Variants in CCDC102B observed in about 807,000 individuals in gnomAD.
CCDC102B encodes coiled-coil domain-containing protein 102B.
A neutral mutation model predicts 57.4 loss-of-function variants in CCDC102B; 75 were observed. That is an observed-to-expected ratio of 1.31 (90% CI 1.08 to 1.58). The LOEUF is 1.58. Ranked by LOEUF, CCDC102B falls within the 40% of genes most tolerant of loss-of-function variation. CCDC102B has a pLI of 0.00. For synonymous variants in CCDC102B, 206 were observed against 201.9 expected (o/e 1.02, Z -0.17); for missense variants, 636 against 582.6 (o/e 1.09, Z -0.94).
intron 2 of CCDC102B, among the ~76,000 whole-genome samples, chr18:68,790,307 G>T (rs539411279): frequency 7.2e-6 from 1 of 137,986 alleles, no homozygotes; most frequent in Non-Finnish European, 1.7e-5. Flanking sequence ...TGCCCCCAGA[G>T]GTGGAGCGTA....
At chr18:68,721,919 C>A (rs1413262932) in intron 2 of CCDC102B, among the ~76,000 whole-genome samples, 1 of 152,164 alleles carries the variant, frequency 6.6e-6, no homozygotes, top group Admixed American at 6.5e-5. Flanking sequence ...GGAACTTGGA[C>A]ACTATAACTT....
At chr18:68,827,261 C>G (rs1599525295) in intron 1 of CCDC102B, among the ~76,000 whole-genome samples, 1 of 151,944 alleles carries the variant, frequency 6.6e-6, no homozygotes, top group African/African-American at 2.4e-5. Context: ...AAATATGAAT[C>G]TATAAGATAG....
At chr18:69,052,753 A>T (rs765377206) in intron 7 of CCDC102B, among the ~76,000 whole-genome samples, 1 of 151,872 alleles carries the variant, frequency 6.6e-6, no homozygotes, top group Non-Finnish European at 1.5e-5. Flanking sequence ...CGGATTCCAC[A>T]TTATTGGAAT....
intron 7 of CCDC102B, 198 bp downstream of exon 7, chr18:69,011,302 T>G (rs1173438100): frequency 1.8e-6 from 1 of 564,440 alleles, no homozygotes; most frequent in Non-Finnish European, 3.0e-6. Context: ...GGTAATAGTA[T>G]ATGTTTTACG....
intron 7 of CCDC102B, among the ~76,000 whole-genome samples, chr18:69,036,789 G>A (rs73967774): frequency 0.021 from 3,229 of 152,062 alleles, 45 homozygotes; most frequent in Non-Finnish European, 0.029. Context: ...GGTACAAGTG[G>A]CAGTATTAAA....
intron 6 of CCDC102B, among the ~76,000 whole-genome samples, chr18:68,915,920 A>G (rs557484187): frequency 2.8e-4 from 42 of 152,302 alleles, no homozygotes; most frequent in African/African-American, 9.6e-4. Flanking sequence ...AAATGTTGCA[A>G]TCCCTCTCCT....
chr18:68,958,042 G>A (rs759886972), intron 6 of CCDC102B, among the ~76,000 whole-genome samples: 16 of 152,134 alleles, frequency 1.1e-4, no homozygotes, highest in African/African-American at 1.9e-4. Flanking sequence ...CATGGCAGAA[G>A]GTGAAAGGCA....
intron 6 of CCDC102B, among the ~76,000 whole-genome samples, chr18:68,993,908 A>G: frequency 6.6e-6 from 1 of 152,300 alleles, no homozygotes; most frequent in Non-Finnish European, 1.5e-5. Context: ...GTACGCCTAC[A>G]CTGTGGTTGG....
chr18:68,940,045 T>A (rs2049338299), intron 6 of CCDC102B, among the ~76,000 whole-genome samples: 1 of 151,782 alleles, frequency 6.6e-6, no homozygotes, highest in South Asian at 2.1e-4. Context: ...CAAATATCAT[T>A]TTTTCAGTAT....
rs768830661 is a variant in CCDC102B at position 68,837,095 on chromosome 18, C to T, written c.332C>T (p.Ala111Val). The T allele has an allele frequency of 2.5e-6, 4 of 1,613,936 alleles. No individual in the cohort carries two copies. Among genetic ancestry groups the T allele is most frequent in the Admixed American group, 1.7e-5 (1 of 59,984 alleles). ...AGAGAAAAATGGAGTAAAGTTCGAG[C>T]TGAAAGGAACAGTGCCAGGGAGGAA... is the stretch of plus-strand genomic sequence containing the variant. ...NWREKWSKVRAERNSAREEGR... is the reference protein window; with the variant it reads ...NWREKWSKVRVERNSAREEGR... The change falls in exon 2 of 8, where the codon GCT becomes GTT. Residue 111 changes from alanine (A) to valine (V), a missense_variant. Ala to Val is a moderately conservative substitution (Grantham distance 64, BLOSUM62 0). Transcript: ENST00000360242.
chr18:68,886,567 G>T (rs2144977422), intron 5 of CCDC102B, among the ~76,000 whole-genome samples: 1 of 151,916 alleles, frequency 6.6e-6, no homozygotes, highest in East Asian at 2.0e-4. Flanking sequence ...GATATATTGT[G>T]AAGATAATCA....
At chr18:69,043,268 G>C (rs1282810064) in intron 7 of CCDC102B, among the ~76,000 whole-genome samples, 1 of 152,112 alleles carries the variant, frequency 6.6e-6, no homozygotes, top group African/African-American at 2.4e-5. Context: ...TCAGTAGATG[G>C]AACGTACAAT....
At chr18:68,978,008 GTCCACTGCCAGAGCA>G (rs1187424594) in intron 6 of CCDC102B, among the ~76,000 whole-genome samples, 11 of 152,086 alleles carry the variant, frequency 7.2e-5, no homozygotes, top group African/African-American at 2.6e-4. Flanking sequence ...ATTTGAAGTA[GTCCACTGCCAGAGCA>G]TAATGTGAAG....
At chr18:69,055,762 C>T (rs72962035), downstream of CCDC102B, among the ~76,000 whole-genome samples, 5,050 of 152,144 alleles carry the variant, frequency 0.033, 139 homozygotes, top group East Asian at 0.15. Context: ...CAACATTAGA[C>T]TTCTATAGTT....
chr18:69,028,885 T>TAA (rs568080593), intron 7 of CCDC102B, among the ~76,000 whole-genome samples: 1 of 149,294 alleles, frequency 6.7e-6, no homozygotes, highest in African/African-American at 2.5e-5. Flanking sequence ...AGCTCTTTTT[T>TAA]AAAAAAAAAA....
At chr18:69,005,900 G>A (rs1231446811) in intron 6 of CCDC102B, among the ~76,000 whole-genome samples, 4 of 151,656 alleles carry the variant, frequency 2.6e-5, no homozygotes, top group Non-Finnish European at 5.9e-5. Context: ...ACTGTGAATT[G>A]TATGTACTGT....
chr18:68,897,378 C>G lies in CCDC102B; in HGVS notation c.1213C>G (p.Gln405Glu), dbSNP rs1048430000. The change falls in exon 6 of 8, where the codon CAA (glutamine) becomes GAA (glutamate). Residue 405 changes from glutamine (Q) to glutamate (E), a missense_variant. Gln to Glu is a conservative substitution (Grantham distance 29, BLOSUM62 2). Transcript: ENST00000360242. ...GAAAAATAGATTAAGTGCAAACTCT[C>G]AAAGTCCTGATTTCAAGATGTCACA... ...DKKNRLSANS[Q>E]SPDFKMSQID... 3 of 1,612,500 alleles carry G rather than the reference C, an allele frequency of 1.9e-6. No homozygotes were observed. The highest frequency in any genetic ancestry group is 1.3e-5 in the African/African-American group (1 of 74,758).
At chr18:68,717,291 T>A (rs183617312) in intron 2 of CCDC102B, among the ~76,000 whole-genome samples, 25 of 152,336 alleles carry the variant, frequency 1.6e-4, no homozygotes, top group Admixed American at 1.4e-3. Flanking sequence ...AGAGACGTTG[T>A]AATGAGATGT....
At chr18:68,722,518 T>A (rs2032390624) in intron 2 of CCDC102B, among the ~76,000 whole-genome samples, 1 of 152,200 alleles carries the variant, frequency 6.6e-6, no homozygotes. Context: ...GGATTTTTAT[T>A]CCCAACTTCC....
Sources: gnomAD v4.1 joint callset for allele counts (sites outside exome capture counted in the v4.1 genomes callset) on GRCh38, gnomAD v4.1.1 for gene constraint, MANE v1.5 for transcripts, NCBI Gene and HGNC (gene_info 2026-07-23, HGNC 2026-07-21) for gene names.